Variants in OSBPL10 observed in about 807,000 individuals in gnomAD.
The protein encoded by OSBPL10 is oxysterol binding protein like 10.
In OSBPL10, 49 loss-of-function variants were observed where a neutral mutation model predicts 81.7. The ratio of observed to expected loss-of-function variants is 0.60; its 90% CI spans 0.48 to 0.76. The LOEUF is 0.76. Ranked by LOEUF, OSBPL10 falls within the 30% of genes least tolerant of loss-of-function variation. OSBPL10 has a pLI of 0.00. For synonymous variants in OSBPL10, 419 were observed against 383.6 expected (o/e 1.09, Z -1.08); for missense variants, 923 against 987.8 (o/e 0.93, Z 0.88).
At chr3:31,911,172 C>T (rs1322797128) in intron 1 of OSBPL10, among the ~76,000 whole-genome samples, 1 of 152,144 alleles carries the variant, frequency 6.6e-6, no homozygotes, top group Non-Finnish European at 1.5e-5. Flanking sequence ...CAAACTTTTT[C>T]TGGAAAAGGG....
At chr3:31,939,749 T>C (rs1336655417) in intron 1 of OSBPL10, among the ~76,000 whole-genome samples, 1 of 152,234 alleles carries the variant, frequency 6.6e-6, no homozygotes, top group African/African-American at 2.4e-5. Flanking sequence ...TCTATCTTGC[T>C]AGCCAATCTT....
At chr3:31,775,549 T>A (rs551514305) in intron 4 of OSBPL10, among the ~76,000 whole-genome samples, 172 of 151,872 alleles carry the variant, frequency 1.1e-3, no homozygotes, top group Non-Finnish European at 2.1e-3. Context: ...AGGGAGTGAG[T>A]GAGACGGCAG....
intron 2 of OSBPL10, chr3:31,990,897 T>C (rs1476284679): frequency 1.9e-6 from 3 of 1,575,272 alleles, no homozygotes; most frequent in African/African-American, 1.4e-5. Flanking sequence ...TTACTTCACA[T>C]TCACATCGCA....
intron 1 of OSBPL10, among the ~76,000 whole-genome samples, chr3:31,924,774 G>A (rs1697023331): frequency 6.6e-6 from 1 of 152,112 alleles, no homozygotes; most frequent in Non-Finnish European, 1.5e-5. Flanking sequence ...CACTAAGGCA[G>A]CTATACACAA....
chr3:31,896,344 C>G (rs1315878619), intron 1 of OSBPL10, among the ~76,000 whole-genome samples: 1 of 152,138 alleles, frequency 6.6e-6, no homozygotes, highest in Non-Finnish European at 1.5e-5. Context: ...ATCCATATTC[C>G]ACAGAATCTA....
chr3:31,908,600 A>G (rs1386425931), intron 1 of OSBPL10, among the ~76,000 whole-genome samples: 3 of 152,162 alleles, frequency 2.0e-5, no homozygotes, highest in Non-Finnish European at 2.9e-5. Context: ...GATGTAGTTC[A>G]CTAGTGAGGA....
chr3:31,824,708 A>C (rs1299946341), intron 4 of OSBPL10, among the ~76,000 whole-genome samples: 1 of 151,984 alleles, frequency 6.6e-6, no homozygotes, highest in Non-Finnish European at 1.5e-5. Context: ...ATCATTCATC[A>C]ATCAGTGCTT....
intron 1 of OSBPL10, among the ~76,000 whole-genome samples, chr3:31,930,974 C>A (rs970149910): frequency 1.4e-5 from 2 of 145,414 alleles, no homozygotes; most frequent in African/African-American, 2.6e-5. Flanking sequence ...AGATCCCCCC[C>A]ACTGCACTCC....
At chr3:31,757,305 A>G (rs887064866) in intron 4 of OSBPL10, among the ~76,000 whole-genome samples, 3 of 152,158 alleles carry the variant, frequency 2.0e-5, no homozygotes, top group Non-Finnish European at 4.4e-5. Context: ...TCTTATAAAA[A>G]GGGGAAATTT....
intron 4 of OSBPL10, among the ~76,000 whole-genome samples, chr3:31,810,840 G>A (rs1699661909): frequency 6.6e-6 from 1 of 152,178 alleles, no homozygotes; most frequent in African/African-American, 2.4e-5. Context: ...GCTCCATCAA[G>A]CAATTACACA....
At chr3:31,718,051 T>C (rs1696509177) in intron 6 of OSBPL10, 1 of 152,184 alleles carries the variant, frequency 6.6e-6, no homozygotes, top group African/African-American at 2.4e-5. Flanking sequence ...AGGTAGGACC[T>C]ACAATCCTTT....
At chr3:31,750,977 G>C (rs537112678) in intron 4 of OSBPL10, among the ~76,000 whole-genome samples, 1 of 152,092 alleles carries the variant, frequency 6.6e-6, no homozygotes, top group Non-Finnish European at 1.5e-5. Flanking sequence ...ACAGATGCAC[G>C]TGCTCAGAGA....
intron 1 of OSBPL10, among the ~76,000 whole-genome samples, chr3:31,933,508 A>G (rs556842998): frequency 6.6e-6 from 1 of 152,056 alleles, no homozygotes; most frequent in African/African-American, 2.4e-5. Context: ...GGGCTCAAGC[A>G]ATCCTTCTAC....
At chr3:31,727,062 G>A (rs572172182) in intron 6 of OSBPL10, among the ~76,000 whole-genome samples, 47 of 152,000 alleles carry the variant, frequency 3.1e-4, no homozygotes, top group African/African-American at 1.1e-3. Flanking sequence ...TGACCTCCTC[G>A]CCTCAAGTGA....
chr3:31,818,150 G>A (rs534520978), intron 4 of OSBPL10, among the ~76,000 whole-genome samples: 86 of 152,070 alleles, frequency 5.7e-4, no homozygotes, highest in African/African-American at 2.0e-3. Context: ...TTTCTGTGAG[G>A]GTGCTTTTTA....
At chr3:31,780,827 C>G (rs1370606234) in intron 4 of OSBPL10, among the ~76,000 whole-genome samples, 1 of 149,896 alleles carries the variant, frequency 6.7e-6, no homozygotes, top group Non-Finnish European at 1.5e-5. Context: ...AAAAATTGCC[C>G]CCCACCCCCC....
At position 31,683,754 on chromosome 3, in the gene OSBPL10, G is replaced by C. The variant is rs1559414047; in HGVS notation, c.1606C>G (p.His536Asp). Residue 536 changes from histidine to aspartate, a missense_variant, in exon 8 of 12, where the codon CAC (histidine) becomes GAC (aspartate). By Grantham distance (81) the His-to-Asp change is moderately conservative (BLOSUM62 -1). Coordinates refer to ENST00000396556, the MANE Select transcript of OSBPL10 (RefSeq NM_017784.5). ...LRFVAEQVSH[H>D]PPISCFYCEC... ...CAGTAGAAGCAGGAGATGGGTGGGT[G>C]ATGGGACACTTGCTCAGCCACAAAC... 2 of 1,614,224 alleles carry C rather than the reference G, an allele frequency of 1.2e-6. No homozygotes were observed. The highest frequency in any genetic ancestry group is 2.2e-5 in the South Asian group (2 of 91,086).
At chr3:31,707,960 A>AG (rs1230383907) in intron 6 of OSBPL10, among the ~76,000 whole-genome samples, 2 of 152,262 alleles carry the variant, frequency 1.3e-5, no homozygotes, top group South Asian at 2.1e-4. Context: ...TTGGAAGAGT[A>AG]GGCAAGTAGA....
At chr3:31,916,421 A>T (rs563671695) in intron 1 of OSBPL10, among the ~76,000 whole-genome samples, 43 of 152,324 alleles carry the variant, frequency 2.8e-4, no homozygotes, top group African/African-American at 5.8e-4. Context: ...CTGCCTCTAA[A>T]AACAGAGGAG....
Sources: gnomAD v4.1 joint callset for allele counts (sites outside exome capture counted in the v4.1 genomes callset) on GRCh38, gnomAD v4.1.1 for gene constraint, MANE v1.5 for transcripts, NCBI Gene and HGNC (gene_info 2026-07-23, HGNC 2026-07-21) for gene names.